Variants in USP48 observed in about 807,000 individuals in gnomAD.
USP48 encodes the protein ubiquitin carboxyl-terminal hydrolase 48.
A neutral mutation model predicts 150.7 loss-of-function variants in USP48; 43 were observed. The ratio of observed to expected loss-of-function variants is 0.29; its 90% CI spans 0.22 to 0.37. The LOEUF (loss-of-function observed/expected upper bound fraction) is 0.37. Among genes scored for constraint, USP48 ranks in the 10% least tolerant of loss-of-function variants. The pLI, the probability that USP48 is intolerant of heterozygous loss-of-function variation, is 1.00. For synonymous variants in USP48, 396 were observed against 425.9 expected, an observed-to-expected ratio of 0.93 and a Z score of 0.86; for missense variants, 813 against 1,249.6, an observed-to-expected ratio of 0.65 and a Z score of 5.27.
At chr1:21,720,955 C>A (rs575161386) in intron 14 of USP48, 81 bp downstream of exon 14, 2 of 1,558,270 alleles carry the variant, frequency 1.3e-6, no homozygotes, top group Middle Eastern at 3.5e-4. Flanking sequence ...TGGGACTACA[C>A]GAATGAGCCA....
intron 15 of USP48, 156 bp from the exon 16 acceptor site, chr1:21,707,024 A>C (rs2097674640): frequency 7.8e-6 from 7 of 901,182 alleles, no homozygotes; most frequent in African/African-American, 5.1e-5. Flanking sequence ...GTTTTCAAAA[A>C]CTTCTGAATT....
chr1:21,679,261 A>G lies in USP48; in HGVS notation c.*156T>C. 1 of 891,846 alleles carries G rather than the reference A, an allele frequency of 1.1e-6. No homozygotes were observed. Among genetic ancestry groups the G allele is most frequent in the Non-Finnish European group, 1.8e-6 (1 of 546,734 alleles). 55.2% of individuals were successfully genotyped at this position (891,846 alleles called of 1,614,324 possible). A position where few individuals can be genotyped will look rare whatever the true frequency, so the allele number is the denominator to read the frequency against. Reference sequence around the variant, plus strand: ...CAGTGCAATCTGCTTTATTTGACATAAGGCATTTGGGACAGTCACGTTTGA... The same window carrying G: ...CAGTGCAATCTGCTTTATTTGACATGAGGCATTTGGGACAGTCACGTTTGA... On this transcript the variant is annotated 3_prime_UTR_variant, in exon 27 of 27. Transcript: ENST00000308271.
chr1:21,724,956 A>C (rs904158932), intron 11 of USP48: 1 of 152,148 alleles, frequency 6.6e-6, no homozygotes, highest in Non-Finnish European at 1.5e-5. Context: ...AAGAAAACAT[A>C]CAGAGGTTGA....
At position 21,690,019 on chromosome 1, in the gene USP48, G is replaced by C. The variant is rs1011546411; in HGVS notation, c.2964C>G (p.Thr988=). 5 of 1,614,048 alleles carry C rather than the reference G, an allele frequency of 3.1e-6. No homozygotes were observed. Among genetic ancestry groups the C allele is most frequent in the Non-Finnish European group, 4.2e-6 (5 of 1,179,990 alleles). The change falls in exon 24 of 27, where the codon ACC becomes ACG. Residue 988 remains threonine, a synonymous_variant. Coordinates refer to ENST00000308271, the MANE Select transcript of USP48 (RefSeq NM_032236.8). ...DGKILSDDCA[T]LGTLGVIPES... ...CAGGAATGACGCCAAGGGTGCCTAG[G>C]GTGGCACAGTCATCACTTAAAATCT...
intron 25 of USP48, 126 bp downstream of exon 25, chr1:21,687,065 T>TA: frequency 1.2e-6 from 1 of 869,404 alleles, no homozygotes; most frequent in Non-Finnish European, 1.8e-6. Flanking sequence ...TATTCTACTG[T>TA]AACAATATGT....
chr1:21,767,071 CAAAAAACAAG>C (rs991327278), intron 1 of USP48, among the ~76,000 whole-genome samples: 1 of 151,878 alleles, frequency 6.6e-6, no homozygotes, highest in Non-Finnish European at 1.5e-5. Context: ...CTCAAAAAAA[CAAAAAACAAG>C]AACAACAACA....
chr1:21,744,311 T>A (rs910493933), intron 8 of USP48, among the ~76,000 whole-genome samples: 1 of 151,430 alleles, frequency 6.6e-6, no homozygotes, highest in Admixed American at 6.6e-5. Flanking sequence ...CCAGGTACGA[T>A]GGCATGCGTC....
chr1:21,781,023 A>G (rs1245861471), intron 1 of USP48, among the ~76,000 whole-genome samples: 1 of 150,676 alleles, frequency 6.6e-6, no homozygotes, highest in African/African-American at 2.4e-5. Flanking sequence ...TACAGGCATG[A>G]GCCACCGCAC....
In USP48 at chr1:21,783,135, C is replaced by A. The variant is rs2097918854; in HGVS notation, c.-178G>T. The A allele has an allele frequency of 1.0e-6, 1 of 991,400 alleles. No individual in the cohort carries two copies. Among genetic ancestry groups the A allele is most frequent in the Non-Finnish European group, 1.3e-6 (1 of 744,890 alleles). 61.4% of individuals were successfully genotyped at this position (991,400 alleles called of 1,614,324 possible). ...CCGCCGCGCCCGCCCGCGCCCGACCCGCACGACCGGCCGCAAAGCGCCGCC... is the reference window on the plus strand; with the variant it reads ...CCGCCGCGCCCGCCCGCGCCCGACCAGCACGACCGGCCGCAAAGCGCCGCC... On this transcript the variant is annotated 5_prime_UTR_variant, in exon 1 of 27. Coordinates refer to ENST00000308271, the MANE Select transcript of USP48 (RefSeq NM_032236.8).
In USP48 at chr1:21,703,622, T is replaced by C; in HGVS notation, c.2516-4A>G. 1.3e-6 allele frequency: 2 copies of C among 1,580,694 alleles called. No individual in the cohort carries two copies. Among genetic ancestry groups the C allele is most frequent in the South Asian group, 1.2e-5 (1 of 86,904 alleles). ...TCTCTGCATTCTGGACAGAGTTCTT[T>C]GGGGGAAAAAAAAAAAGGGAAAACA... On this transcript the variant is annotated splice_region_variant and splice_polypyrimidine_tract_variant and intron_variant, in intron 20 of 26. Transcript: ENST00000308271.
At chr1:21,735,296 A>G (rs760220204) in intron 9 of USP48, among the ~76,000 whole-genome samples, 5 of 152,208 alleles carry the variant, frequency 3.3e-5, no homozygotes, top group African/African-American at 4.8e-5. Flanking sequence ...TTTAACTAAA[A>G]TTTTAAAAAG....
intron 1 of USP48, among the ~76,000 whole-genome samples, chr1:21,758,612 T>G (rs1172769393): frequency 6.6e-6 from 1 of 151,766 alleles, no homozygotes; most frequent in Non-Finnish European, 1.5e-5. Flanking sequence ...TAGCCGGGCG[T>G]GGCGGTGCGG....
chr1:21,706,231 C>A, intron 17 of USP48, 44 bp from the exon 18 acceptor site: 8 of 1,592,410 alleles, frequency 5.0e-6, no homozygotes, highest in Non-Finnish European at 6.9e-6. Context: ...AATTCACCGC[C>A]TGCTTAACAC....
At chr1:21,681,015 T>C (rs2097564348) in intron 25 of USP48, 181 bp from the exon 26 acceptor site, 2 of 561,178 alleles carry the variant, frequency 3.6e-6, no homozygotes, top group Non-Finnish European at 3.1e-6. Context: ...TTTCTGTTTT[T>C]ATCAAAGCAA....
chr1:21,739,864 C>T (rs561835540), intron 8 of USP48, among the ~76,000 whole-genome samples: 3 of 152,274 alleles, frequency 2.0e-5, no homozygotes, highest in Non-Finnish European at 2.9e-5. Flanking sequence ...TCTGTTTGTA[C>T]GTGTTTGACT....
In USP48 at chr1:21,707,552, C is replaced by T. The variant is rs2097676384; in HGVS notation, c.1964-684G>A. On this transcript the variant is annotated intron_variant, in intron 15 of 26. Coordinates refer to ENST00000308271, the MANE Select transcript of USP48 (RefSeq NM_032236.8). ...GAAGATATAAAAAAATAATACTAGT[C>T]ACCGCCACCCTGCCAGGACCTTTCT... 2.0e-5 allele frequency among the ~76,000 whole-genome samples: 3 copies of T among 152,276 alleles called. No individual in the cohort carries two copies. In the South Asian group the frequency reaches 6.2e-4, roughly 32 times the overall value.
chr1:21,727,453 A>T (rs370805584), intron 11 of USP48, among the ~76,000 whole-genome samples: 3 of 152,210 alleles, frequency 2.0e-5, no homozygotes, highest in African/African-American at 7.2e-5. Flanking sequence ...AACATCTTTG[A>T]ACTCTATAGT....
chr1:21,767,727 T>C (rs570256111), intron 1 of USP48, among the ~76,000 whole-genome samples: 51 of 152,086 alleles, frequency 3.4e-4, no homozygotes, highest in African/African-American at 1.1e-3. Flanking sequence ...TGAAAAATCA[T>C]TGAAGAAGGA....
At chr1:21,752,939 G>T in intron 4 of USP48, 53 bp downstream of exon 4, 1 of 1,524,974 alleles carries the variant, frequency 6.6e-7, no homozygotes, top group South Asian at 1.3e-5. Flanking sequence ...AACATGCTTA[G>T]GATGTTTGGG....
Sources: gnomAD v4.1 joint callset for allele counts (sites outside exome capture counted in the v4.1 genomes callset) on GRCh38, gnomAD v4.1.1 for gene constraint, MANE v1.5 for transcripts, NCBI Gene and HGNC (gene_info 2026-07-23, HGNC 2026-07-21) for gene names.